SLC39A11: variants seen among roughly 807,000 people sequenced by gnomAD.
The protein encoded by SLC39A11 is solute carrier family 39 member 11.
Under a neutral mutation model 36.1 loss-of-function variants are expected in SLC39A11, and 33 were observed. The observed-to-expected ratio is 0.91, with a 90% CI of 0.69 to 1.22. The LOEUF is 1.22. Ranked by LOEUF, SLC39A11 falls within the 50% of genes most tolerant of loss-of-function variation. The probability of loss-of-function intolerance (pLI) is 0.00; values close to 1 mark genes in which losing one functional copy is unlikely to be tolerated. For synonymous variants in SLC39A11, 166 were observed against 170.3 expected (o/e 0.97, Z 0.20); for missense variants, 432 against 430.3 (o/e 1.00, Z -0.03).
At chr17:72,914,328 A>T in intron 5 of SLC39A11, among the ~76,000 whole-genome samples, 1 of 151,486 alleles carries the variant, frequency 6.6e-6, no homozygotes, top group Non-Finnish European at 1.5e-5. Context: ...GGGAAAAAAA[A>T]AAGAAAAAAG....
At chr17:72,721,087 C>CTTTTTTT (rs56090007) in intron 7 of SLC39A11, among the ~76,000 whole-genome samples, 1 of 126,550 alleles carries the variant, frequency 7.9e-6, no homozygotes, top group African/African-American at 3.1e-5. Flanking sequence ...TGTCCCTCGC[C>CTTTTTTT]TTTTTTTTTT....
At chr17:73,080,623 C>T (rs558160340) in intron 3 of SLC39A11, among the ~76,000 whole-genome samples, 3 of 152,212 alleles carry the variant, frequency 2.0e-5, no homozygotes, top group East Asian at 1.9e-4. Flanking sequence ...ACAAAAACAA[C>T]GATAAACAGA....
intron 5 of SLC39A11, among the ~76,000 whole-genome samples, chr17:72,859,206 C>T (rs1454591746): frequency 1.3e-5 from 2 of 152,214 alleles, no homozygotes; most frequent in African/African-American, 4.8e-5. Context: ...GTAAACAACA[C>T]AGGAGTTTTG....
intron 6 of SLC39A11, among the ~76,000 whole-genome samples, chr17:72,786,659 T>G (rs1326077722): frequency 1.3e-5 from 2 of 152,050 alleles, no homozygotes. Flanking sequence ...TAGCTCTGTC[T>G]TAGACTTCTT....
At chr17:72,775,408 C>T (rs775268630) in intron 6 of SLC39A11, among the ~76,000 whole-genome samples, 20 of 152,226 alleles carry the variant, frequency 1.3e-4, no homozygotes, top group African/African-American at 2.9e-4. Context: ...ACAAGTAGGG[C>T]GGGTTGATTC....
chr17:73,088,370 CAATA>C (rs2060809599), intron 2 of SLC39A11, among the ~76,000 whole-genome samples: 1 of 151,996 alleles, frequency 6.6e-6, no homozygotes, highest in East Asian at 1.9e-4. Flanking sequence ...AACGAAGCCT[CAATA>C]ACTGGGCTTC....
rs552413941 is a variant in SLC39A11, at chr17:72,836,999, T to C, written c.601+12635A>G. On this transcript the variant is annotated intron_variant, in intron 6 of 9. Transcript: ENST00000255559. ...GTCTTTACCCCAGGAAAATGAAAAA[T>C]CAACATGTTCTTTCTCATGGCTAGT... 7.9e-5 allele frequency among the ~76,000 whole-genome samples: 12 copies of C among 152,094 alleles called. No homozygotes were observed. The East Asian group carries it at 1.9e-3, about 25-fold the overall frequency.
At chr17:72,769,659 C>T (rs1406978914) in intron 6 of SLC39A11, among the ~76,000 whole-genome samples, 1 of 152,000 alleles carries the variant, frequency 6.6e-6, no homozygotes, top group African/African-American at 2.4e-5. Flanking sequence ...ATTCTCCTGT[C>T]TCAGCCTCCC....
intron 4 of SLC39A11, among the ~76,000 whole-genome samples, chr17:72,952,122 G>A (rs142464334): frequency 4.5e-4 from 68 of 152,176 alleles, no homozygotes; most frequent in African/African-American, 1.6e-3. Context: ...AACAACCAGG[G>A]TCAGCTATGC....
At chr17:73,054,683 C>T (rs1390995896) in intron 3 of SLC39A11, among the ~76,000 whole-genome samples, 2 of 151,724 alleles carry the variant, frequency 1.3e-5, no homozygotes, top group Non-Finnish European at 2.9e-5. Context: ...TGGCATGTGC[C>T]TATAATCCCA....
At chr17:73,002,252 A>T (rs1006844105) in intron 4 of SLC39A11, among the ~76,000 whole-genome samples, 3 of 152,214 alleles carry the variant, frequency 2.0e-5, no homozygotes, top group African/African-American at 7.2e-5. Flanking sequence ...TCAAGGGAAC[A>T]TGGCAGCTCA....
intron 7 of SLC39A11, among the ~76,000 whole-genome samples, chr17:72,706,198 G>T (rs955717475): frequency 6.6e-6 from 1 of 152,120 alleles, no homozygotes; most frequent in Admixed American, 6.5e-5. Flanking sequence ...TCTCATTTGT[G>T]CACTTCCCTG....
At chr17:72,745,722 G>GT (rs1430439884) in intron 6 of SLC39A11, among the ~76,000 whole-genome samples, 1 of 152,232 alleles carries the variant, frequency 6.6e-6, no homozygotes, top group African/African-American at 2.4e-5. Flanking sequence ...AGCACTCATA[G>GT]TATCAGTTTT....
intron 4 of SLC39A11, among the ~76,000 whole-genome samples, chr17:72,971,468 A>G (rs936897547): frequency 6.6e-6 from 1 of 152,176 alleles, no homozygotes; most frequent in Non-Finnish European, 1.5e-5. Flanking sequence ...TGAAAATCTC[A>G]GCCCTTTATT....
At chr17:72,737,996 TTATTTTTA>T (rs2074506931) in intron 6 of SLC39A11, among the ~76,000 whole-genome samples, 1 of 151,858 alleles carries the variant, frequency 6.6e-6, no homozygotes, top group Admixed American at 6.6e-5. Flanking sequence ...GCATGCATTT[TTATTTTTA>T]TATTTTTATG....
chr17:72,802,168 G>A (rs1164990307), intron 6 of SLC39A11, among the ~76,000 whole-genome samples: 1 of 152,184 alleles, frequency 6.6e-6, no homozygotes, highest in Non-Finnish European at 1.5e-5. Context: ...TGGGTAGGAT[G>A]TGCACCCAGA....
chr17:73,001,542 A>G (rs528771885), intron 4 of SLC39A11, among the ~76,000 whole-genome samples: 71 of 151,740 alleles, frequency 4.7e-4, no homozygotes, highest in African/African-American at 1.6e-3. Context: ...GTGCACATGT[A>G]CCCTAAAACT....
chr17:72,718,579 T>C (rs942476671), intron 7 of SLC39A11, among the ~76,000 whole-genome samples: 2 of 152,150 alleles, frequency 1.3e-5, no homozygotes, highest in Non-Finnish European at 2.9e-5. Flanking sequence ...GACCTTGGGG[T>C]CACAGCCAGG....
chr17:73,074,355 T>C (rs112292932), intron 3 of SLC39A11, among the ~76,000 whole-genome samples: 19,890 of 136,884 alleles, frequency 0.15, 1,517 homozygotes, highest in Middle Eastern at 0.3. Flanking sequence ...TGGAGTGCAG[T>C]GGTGCAATCT....
Sources: allele counts gnomAD v4.1 joint callset (sites outside exome capture counted in the v4.1 genomes callset), GRCh38; gene constraint gnomAD v4.1.1; transcripts MANE v1.5; gene names NCBI Gene and HGNC (gene_info 2026-07-23, HGNC 2026-07-21).